The following RNF24 variants were observed in gnomAD, a reference collection of about 807,000 sequenced individuals.
RNF24 encodes the protein ring finger protein 24.
In RNF24, 14 loss-of-function variants were observed where a neutral mutation model predicts 20.0. The observed-to-expected ratio is 0.70, with a 90% CI of 0.46 to 1.10. The LOEUF (loss-of-function observed/expected upper bound fraction) is 1.10. Ranked by LOEUF, RNF24 falls within the 50% of genes least tolerant of loss-of-function variation. The pLI, the probability that RNF24 is intolerant of heterozygous loss-of-function variation, is 0.00. For synonymous variants in RNF24, 45 were observed against 61.1 expected (o/e 0.74, Z 1.23); for missense variants, 124 against 177.6 (o/e 0.70, Z 1.71).
intron 1 of RNF24, among the ~76,000 whole-genome samples, chr20:4,004,354 C>T (rs1255681842): frequency 6.6e-6 from 1 of 152,110 alleles, no homozygotes; most frequent in Non-Finnish European, 1.5e-5. Context: ...ATCTCGGATT[C>T]TGTGTGAGAC....
At chr20:3,962,399 A>G (rs1258986586) in intron 2 of RNF24, among the ~76,000 whole-genome samples, 2 of 152,196 alleles carry the variant, frequency 1.3e-5, no homozygotes, top group Non-Finnish European at 2.9e-5. Context: ...TCCATTGGTA[A>G]TAATAAATGT....
chr20:3,983,508 A>ACT, intron 1 of RNF24, among the ~76,000 whole-genome samples: 1 of 152,316 alleles, frequency 6.6e-6, no homozygotes, highest in South Asian at 2.1e-4. Context: ...AATAAATCTT[A>ACT]ATAAAGCACC....
rs900056673 is a variant in RNF24, at chr20:3,932,864, G to A, written c.*1199C>T. 1.0e-5 allele frequency: 4 copies of A among 398,450 alleles called. No individual in the cohort carries two copies. Among genetic ancestry groups the A allele is most frequent in the Non-Finnish European group, 1.8e-5 (4 of 226,046 alleles). 24.7% of individuals were successfully genotyped at this position (398,450 alleles called of 1,614,324 possible). On this transcript the variant is annotated 3_prime_UTR_variant, in exon 6 of 6. Coordinates refer to ENST00000358395, the MANE Select transcript of RNF24 (RefSeq NM_001134337.3). ...TTTCTAGAAAAGTTGGACAGAAAGA[G>A]CCAAAGAGCAGCATGCGTTTCTCTC...
intron 1 of RNF24, among the ~76,000 whole-genome samples, chr20:4,008,448 A>G (rs1982123969): frequency 6.4e-5 from 1 of 15,730 alleles, no homozygotes; most frequent in African/African-American, 1.6e-4. Context: ...TGTATAATAT[A>G]TATAATATAT....
intron 1 of RNF24, among the ~76,000 whole-genome samples, chr20:4,001,127 C>A (rs1224689166): frequency 6.6e-6 from 1 of 151,908 alleles, no homozygotes; most frequent in South Asian, 2.1e-4. Flanking sequence ...ATTAGCCGGG[C>A]GTGGTGGCGT....
intron 4 of RNF24, among the ~76,000 whole-genome samples, chr20:3,943,240 G>C (rs900606078): frequency 9.9e-5 from 15 of 151,426 alleles, no homozygotes; most frequent in Non-Finnish European, 1.8e-4. Flanking sequence ...CCATGGTAAA[G>C]GTCAATTCTC....
intron 2 of RNF24, among the ~76,000 whole-genome samples, chr20:3,957,123 C>A (rs2091151254): frequency 6.6e-6 from 1 of 151,692 alleles, no homozygotes; most frequent in African/African-American, 2.4e-5. Context: ...CATGGTGAAA[C>A]CCTGTCTCTA....
chr20:3,950,406 G>C (rs1305332577), intron 2 of RNF24, among the ~76,000 whole-genome samples: 2 of 152,168 alleles, frequency 1.3e-5, no homozygotes, highest in Non-Finnish European at 2.9e-5. Flanking sequence ...TACAAGCCAA[G>C]GAATGCCAAG....
chr20:3,936,150 C>T (rs540999443), intron 4 of RNF24, among the ~76,000 whole-genome samples: 28 of 152,338 alleles, frequency 1.8e-4, no homozygotes, highest in Admixed American at 3.9e-4. Flanking sequence ...TTTAAACATC[C>T]TTGCTGAGGT....
At chr20:3,941,251 G>A (rs1403121686) in intron 4 of RNF24, among the ~76,000 whole-genome samples, 1 of 152,144 alleles carries the variant, frequency 6.6e-6, no homozygotes, top group Admixed American at 6.6e-5. Flanking sequence ...TCGATCTTCT[G>A]GACTCCAGGC....
intron 1 of RNF24, among the ~76,000 whole-genome samples, chr20:4,011,236 T>C (rs556703508): frequency 6.6e-6 from 1 of 152,304 alleles, no homozygotes; most frequent in South Asian, 2.1e-4. Flanking sequence ...CACATTAATT[T>C]TCAATCCAGA....
intron 1 of RNF24, among the ~76,000 whole-genome samples, chr20:3,987,291 G>A (rs1471240662): frequency 6.6e-6 from 1 of 152,158 alleles, no homozygotes; most frequent in African/African-American, 2.4e-5. Flanking sequence ...CACAAAGGCA[G>A]TGTGAAAAGA....
At chr20:3,971,035 G>A (rs746608712) in intron 1 of RNF24, among the ~76,000 whole-genome samples, 25 of 152,056 alleles carry the variant, frequency 1.6e-4, no homozygotes, top group South Asian at 2.1e-4. Flanking sequence ...AAGACACATC[G>A]TAGTCAAACT....
At chr20:4,007,752 A>G (rs956277947) in intron 1 of RNF24, among the ~76,000 whole-genome samples, 6 of 150,842 alleles carry the variant, frequency 4.0e-5, no homozygotes, top group South Asian at 2.1e-4. Context: ...AAAAAAAAAA[A>G]AAAAAGAAAA....
chr20:3,972,689 T>C (rs368970493), intron 1 of RNF24, among the ~76,000 whole-genome samples: 190 of 151,964 alleles, frequency 1.3e-3, no homozygotes, highest in African/African-American at 4.3e-3. Flanking sequence ...TCACCTGAGG[T>C]CAGGAGTTCA....
intron 1 of RNF24, among the ~76,000 whole-genome samples, chr20:3,995,669 G>A (rs963266557): frequency 4.6e-5 from 7 of 152,110 alleles, no homozygotes; most frequent in African/African-American, 1.4e-4. Flanking sequence ...AGCACTGCCT[G>A]GAAGTCTCCC....
intron 1 of RNF24, among the ~76,000 whole-genome samples, chr20:3,977,731 G>A (rs951300092): frequency 6.6e-6 from 1 of 151,884 alleles, no homozygotes; most frequent in Non-Finnish European, 1.5e-5. Flanking sequence ...CGGATGTGGT[G>A]GTGGGCGCCT....
chr20:3,983,890 G>C (rs1164286592), intron 1 of RNF24, among the ~76,000 whole-genome samples: 2 of 138,260 alleles, frequency 1.4e-5, no homozygotes, highest in African/African-American at 5.4e-5. Flanking sequence ...GCAGTGAGCC[G>C]AGATCGCGCC....
At chr20:3,966,469 AGTGTGTGTGTGTGTGTGTGTGT>A (rs72006955) in intron 1 of RNF24, among the ~76,000 whole-genome samples, 1 of 129,232 alleles carries the variant, frequency 7.7e-6, no homozygotes, top group Non-Finnish European at 1.7e-5. Flanking sequence ...TTAAGGCTTT[AGTGTGTGTGTGTGTGTGTGTGT>A]GTGTGTGTGT....
Sources: allele counts gnomAD v4.1 joint callset (sites outside exome capture counted in the v4.1 genomes callset), GRCh38; gene constraint gnomAD v4.1.1; transcripts MANE v1.5; gene names NCBI Gene and HGNC (gene_info 2026-07-23, HGNC 2026-07-21).